LDLRAD4: variants seen among roughly 807,000 people sequenced by gnomAD.
LDLRAD4 encodes low density lipoprotein receptor class A domain containing 4, also known as low-density lipoprotein receptor class A domain-containing protein 4.
A neutral mutation model predicts 17.0 loss-of-function variants in LDLRAD4; 5 were observed. The ratio of observed to expected loss-of-function variants is 0.29; its 90% CI spans 0.15 to 0.62. The LOEUF is 0.62. Ranked by LOEUF, LDLRAD4 falls within the 20% of genes least tolerant of loss-of-function variation. The pLI, the probability that LDLRAD4 is intolerant of heterozygous loss-of-function variation, is 0.84. For missense variants in LDLRAD4, 340 were observed against 424.7 expected (o/e 0.80, Z 1.75); for synonymous variants, 168 against 171.8 (o/e 0.98, Z 0.17).
intron 3 of LDLRAD4, among the ~76,000 whole-genome samples, chr18:13,443,295 G>C (rs760395566): frequency 1.3e-5 from 2 of 152,124 alleles, no homozygotes; most frequent in Non-Finnish European, 2.9e-5. Context: ...TAGGCACCAA[G>C]CTATGACTGC....
intron 4 of LDLRAD4, among the ~76,000 whole-genome samples, chr18:13,629,465 T>A (rs2041472089): frequency 6.6e-6 from 1 of 152,210 alleles, no homozygotes; most frequent in Admixed American, 6.5e-5. Context: ...GGAACACTGA[T>A]CTGTGCAGTA....
chr18:13,217,729 C>T (rs1312642569), upstream of LDLRAD4: 5 of 151,272 alleles, frequency 3.3e-5, no homozygotes, highest in Admixed American at 3.3e-4. This position sits in a 1 kb window ranked among gnomAD's most constrained non-coding sequence, Gnocchi z 4.9. Flanking sequence ...CGCGTCCCCT[C>T]TCTCCCCGCG....
At position 13,644,400 on chromosome 18, in the gene LDLRAD4, C is replaced by CA. The variant is rs5823265; in HGVS notation, c.391-706dup. On this transcript the variant is annotated intron_variant, in intron 5 of 5. Coordinates refer to ENST00000359446, the Ensembl canonical transcript of LDLRAD4. Reference sequence around the variant, plus strand: ...TATGCAACATGACAAAACCCCATCTCAAAAAAAAAAAAAAAAAAAAAGCTA... The same window carrying CA: ...TATGCAACATGACAAAACCCCATCTCAAAAAAAAAAAAAAAAAAAAAAGCTA... Among the ~76,000 whole-genome samples the CA allele has an allele frequency of 8.0e-3, 467 of 58,440 alleles. 1 individual carries two copies. The highest frequency in any genetic ancestry group is 0.011 in the Non-Finnish European group (279 of 24,808). The allele number at this position is 58,440 out of a possible 152,430, so 38.3% of individuals were successfully genotyped here.
intron 3 of LDLRAD4, among the ~76,000 whole-genome samples, chr18:13,439,982 C>T (rs567724711): frequency 1.3e-5 from 2 of 152,178 alleles, no homozygotes; most frequent in African/African-American, 2.4e-5. Context: ...ATATTCCAGG[C>T]GCTAAGCACT....
At chr18:13,333,396 A>G (rs2081962305) in intron 1 of LDLRAD4, among the ~76,000 whole-genome samples, 1 of 152,210 alleles carries the variant, frequency 6.6e-6, no homozygotes, top group African/African-American at 2.4e-5. Flanking sequence ...TGTCTTTCAC[A>G]TAGCAGAAGT....
intron 1 of LDLRAD4, among the ~76,000 whole-genome samples, chr18:13,297,761 C>T (rs966740880): frequency 6.6e-6 from 1 of 152,240 alleles, no homozygotes; most frequent in Non-Finnish European, 1.5e-5. Context: ...AATCCCACCA[C>T]TGCACTCCAG....
chr18:13,371,622 G>A (rs770456894), intron 1 of LDLRAD4, among the ~76,000 whole-genome samples: 10 of 152,152 alleles, frequency 6.6e-5, no homozygotes, highest in South Asian at 4.2e-4. Flanking sequence ...AAAATTAGCC[G>A]GGCATGGTGG....
chr18:13,264,535 C>T (rs1048712887), intron 1 of LDLRAD4, among the ~76,000 whole-genome samples: 3 of 151,774 alleles, frequency 2.0e-5, no homozygotes, highest in Non-Finnish European at 2.9e-5. Flanking sequence ...ATATTCTGAG[C>T]CCGATTGCTT....
intron 1 of LDLRAD4, among the ~76,000 whole-genome samples, chr18:13,237,614 C>T (rs2042400989): frequency 6.6e-6 from 1 of 152,194 alleles, no homozygotes; most frequent in South Asian, 2.1e-4. Flanking sequence ...CTAGCTCGGT[C>T]TCCAAGTAGC....
intron 1 of LDLRAD4, among the ~76,000 whole-genome samples, chr18:13,347,381 A>C (rs1217647954): frequency 1.3e-5 from 2 of 152,192 alleles, no homozygotes; most frequent in African/African-American, 4.8e-5. Context: ...CTTTTCTTTA[A>C]GAATGTTGAA....
At chr18:13,389,056 C>T (rs145323526) in intron 2 of LDLRAD4, among the ~76,000 whole-genome samples, 2 of 152,210 alleles carry the variant, frequency 1.3e-5, no homozygotes, top group Admixed American at 6.5e-5. Context: ...TTGTGGTGTG[C>T]GGGTCATGGC....
chr18:13,518,605 G>GT (rs951230820), intron 3 of LDLRAD4, among the ~76,000 whole-genome samples: 10 of 152,060 alleles, frequency 6.6e-5, no homozygotes, highest in Non-Finnish European at 1.2e-4. Context: ...TGTGATTTTC[G>GT]TTTTTTAAAA....
intron 3 of LDLRAD4, among the ~76,000 whole-genome samples, chr18:13,506,865 T>C (rs1233208863): frequency 6.6e-6 from 1 of 152,266 alleles, no homozygotes; most frequent in Non-Finnish European, 1.5e-5. Context: ...ATCTGTCATT[T>C]GCATGGTGAT....
intron 1 of LDLRAD4, among the ~76,000 whole-genome samples, chr18:13,267,033 G>C (rs1380118616): frequency 1.3e-5 from 2 of 152,184 alleles, no homozygotes; most frequent in African/African-American, 4.8e-5. Context: ...ACAGGGTAAT[G>C]GTGGCAAGGG....
chr18:13,556,268 T>A (rs2094482516), intron 3 of LDLRAD4, among the ~76,000 whole-genome samples: 1 of 152,248 alleles, frequency 6.6e-6, no homozygotes. Context: ...TTGTGACTGG[T>A]CATTGTCATT....
chr18:13,346,508 A>C (rs564007177), intron 1 of LDLRAD4, among the ~76,000 whole-genome samples: 4 of 152,118 alleles, frequency 2.6e-5, no homozygotes, highest in African/African-American at 4.8e-5. Context: ...TATGTGGTCA[A>C]TTTTGGAATA....
chr18:13,528,208 TG>T (rs1285071865), intron 3 of LDLRAD4, among the ~76,000 whole-genome samples: 1 of 152,222 alleles, frequency 6.6e-6, no homozygotes, highest in Non-Finnish European at 1.5e-5. Context: ...GAAAACACAG[TG>T]ACTCCTAGCC....
chr18:13,482,978 T>C (rs921295817), intron 3 of LDLRAD4, among the ~76,000 whole-genome samples: 1 of 152,066 alleles, frequency 6.6e-6, no homozygotes, highest in African/African-American at 2.4e-5. Context: ...CTTCCCTAGG[T>C]CAGATGAGGG....
chr18:13,502,718 C>G (rs2093631654), intron 3 of LDLRAD4, among the ~76,000 whole-genome samples: 1 of 152,212 alleles, frequency 6.6e-6, no homozygotes, highest in Non-Finnish European at 1.5e-5. Flanking sequence ...ACTGGGAGGA[C>G]TGTACGGGCC....
Sources: gnomAD v4.1 joint callset for allele counts (sites outside exome capture counted in the v4.1 genomes callset) on GRCh38, gnomAD v4.1.1 for gene constraint, Gnocchi (gnomAD v3.1) non-coding constraint, MANE v1.5 for transcripts, NCBI Gene and HGNC (gene_info 2026-07-23, HGNC 2026-07-21) for gene names.